PRH1: variants seen among roughly 807,000 people sequenced by gnomAD.
PRH1 encodes proline rich protein HaeIII subfamily 1, also known as salivary acidic proline-rich phosphoprotein 1/2.
In PRH1, 7 loss-of-function variants were observed where a neutral mutation model predicts 7.9. The observed-to-expected ratio is 0.89, with a 90% confidence interval of 0.50 to 1.67. PRH1 has a LOEUF of 1.67. Among genes scored for constraint, PRH1 ranks in the 40% most tolerant of loss-of-function variants. PRH1 has a pLI of 0.00. For missense variants in PRH1, 109 were observed against 223.6 expected (o/e 0.49, Z 3.27); for synonymous variants, 45 against 80.8 (o/e 0.56, Z 2.38).
At chr12:11,063,196 C>T (rs910674704) in intron 1 of PRH1, among the ~76,000 whole-genome samples, 1 of 152,060 alleles carries the variant, frequency 6.6e-6, no homozygotes, top group African/African-American at 2.4e-5. Context: ...TATAAGAATT[C>T]CTGAGTACCC....
At chr12:10,931,486 T>C (rs1253509845) in intron 2 of PRH1, among the ~76,000 whole-genome samples, 1 of 152,236 alleles carries the variant, frequency 6.6e-6, no homozygotes, top group African/African-American at 2.4e-5. Flanking sequence ...AAATGGTCCT[T>C]GGACTTTTAG....
At chr12:11,159,854 AAT>A (rs1367018595) in intron 1 of PRH1, among the ~76,000 whole-genome samples, 3 of 152,226 alleles carry the variant, frequency 2.0e-5, no homozygotes, top group Non-Finnish European at 4.4e-5. Flanking sequence ...TCATGAAAAA[AAT>A]AGTTTGTTCT....
rs1565634169 is a variant in PRH1, at chr12:11,083,151, A to C, written n.124-35963T>G. Among the ~76,000 whole-genome samples, 2 of 117,632 alleles carry C rather than the reference A, an allele frequency of 1.7e-5. 1 individual carries two copies. Among genetic ancestry groups the C allele is most frequent in the Non-Finnish European group, 4.0e-5 (2 of 49,522 alleles). 77.2% of individuals were successfully genotyped at this position (117,632 alleles called of 152,430 possible). A position where few individuals can be genotyped will look rare whatever the true frequency, so the allele number is the denominator to read the frequency against. Reference sequence around the variant, plus strand: ...GATAAATTTAGAAAAATTGTCATGTATATTTAATGTCTGTATAACTATAAT... The same window carrying C: ...GATAAATTTAGAAAAATTGTCATGTCTATTTAATGTCTGTATAACTATAAT... On this transcript the variant is annotated intron_variant and non_coding_transcript_variant, in intron 1 of 4. Transcript: ENST00000541977.
chr12:10,925,345 T>A (rs1162389553), intron 2 of PRH1, among the ~76,000 whole-genome samples: 1 of 152,228 alleles, frequency 6.6e-6, no homozygotes, highest in Non-Finnish European at 1.5e-5. Context: ...GCAAGTGGTA[T>A]ACAAATTTAT....
At chr12:10,999,804 G>T (rs1477265639) in intron 1 of PRH1, among the ~76,000 whole-genome samples, 1 of 152,070 alleles carries the variant, frequency 6.6e-6, no homozygotes, top group African/African-American at 2.4e-5. Flanking sequence ...TTTGAACTGT[G>T]TATAGGTGCA....
intron 1 of PRH1, among the ~76,000 whole-genome samples, chr12:11,150,310 C>G (rs1947030381): frequency 6.6e-6 from 1 of 151,916 alleles, no homozygotes; most frequent in Non-Finnish European, 1.5e-5. Context: ...CCCAGCCATC[C>G]CATTACTGGG....
chr12:10,911,981 C>G (rs905651202), intron 2 of PRH1, among the ~76,000 whole-genome samples: 6 of 152,288 alleles, frequency 3.9e-5, no homozygotes, highest in Admixed American at 3.3e-4. Context: ...ATATGTATCC[C>G]TAAGCACTAG....
chr12:11,059,891 T>G (rs1191306135), intron 1 of PRH1, among the ~76,000 whole-genome samples: 2 of 152,180 alleles, frequency 1.3e-5, no homozygotes, highest in Admixed American at 6.5e-5. Context: ...AATATCATTT[T>G]TGACCATCTA....
chr12:10,954,057 A>G (rs1164155459), intron 2 of PRH1, among the ~76,000 whole-genome samples: 5 of 152,196 alleles, frequency 3.3e-5, no homozygotes, highest in Non-Finnish European at 7.3e-5. Context: ...CAGACAAACA[A>G]ATGCTAAGGG....
At position 11,025,358 on chromosome 12, in the gene PRH1, T is replaced by C. The variant is rs796506830; in HGVS notation, c.-126+21662A>G. On this transcript the variant is annotated intron_variant, in intron 1 of 3. Coordinates refer to the PRH1 transcript ENST00000539853. ...AGGTCTACTACTCTTTGGAAACACA[T>C]TGAAGACATGATTCCCATTAATCCA... Among the ~76,000 whole-genome samples the C allele has an allele frequency of 1.2e-4, 7 of 56,432 alleles. No individual in the cohort carries two copies. The South Asian group carries it at 1.6e-3, about 13-fold the overall frequency. The allele number at this position is 56,432 out of a possible 152,430, so 37.0% of individuals were successfully genotyped here.
At chr12:10,884,130 A>C (rs772733911) in intron 1 of PRH1, 24 bp downstream of exon 1, 1 of 1,614,062 alleles carries the variant, frequency 6.2e-7, no homozygotes, top group Admixed American at 1.7e-5. Context: ...CAGAGTCACA[A>C]TATCTTCCCC....
At chr12:10,967,487 G>T (rs948022594) in intron 2 of PRH1, among the ~76,000 whole-genome samples, 1 of 152,176 alleles carries the variant, frequency 6.6e-6, no homozygotes, top group Non-Finnish European at 1.5e-5. Flanking sequence ...TGCTTTTCAA[G>T]CCCCTAAATG....
intron 1 of PRH1, among the ~76,000 whole-genome samples, chr12:11,128,844 T>C (rs1455998658): frequency 1.3e-5 from 2 of 152,256 alleles, no homozygotes; most frequent in East Asian, 1.9e-4. Context: ...TTTACCTGTT[T>C]GCTATAAGCA....
At chr12:10,904,254 A>G (rs1048072430) in intron 2 of PRH1, among the ~76,000 whole-genome samples, 2 of 152,118 alleles carry the variant, frequency 1.3e-5, no homozygotes, top group Middle Eastern at 3.2e-3. Context: ...AGCCAGAGGA[A>G]TCACATTACC....
upstream of PRH1, chr12:11,171,543 C>A (rs1316716681): frequency 9.7e-6 from 12 of 1,232,084 alleles, no homozygotes; most frequent in Non-Finnish European, 1.0e-6. Context: ...CCTCAACATC[C>A]GATTGCAGGT....
intron 1 of PRH1, chr12:11,031,331 G>T (rs762936913): frequency 6.3e-7 from 1 of 1,587,068 alleles, no homozygotes; most frequent in Non-Finnish European, 8.6e-7. Flanking sequence ...TATAAAAGTT[G>T]TCATGTCTGA....
Position 11,097,690 on chromosome 12 carries a change from T to A in PRH1, n.124-50502A>T, listed in dbSNP as rs1164540066. 5.2e-5 allele frequency among the ~76,000 whole-genome samples: 6 copies of A among 114,586 alleles called. 2 individuals carry two copies. Among genetic ancestry groups the A allele is most frequent in the Non-Finnish European group, 1.2e-4 (6 of 48,334 alleles). 75.2% of individuals were successfully genotyped at this position (114,586 alleles called of 152,430 possible). A position where few individuals can be genotyped will look rare whatever the true frequency, so the allele number is the denominator to read the frequency against. ...AATTACTTATTTTCCAAATTATGTA[T>A]TTAAATATTTCAAAAACAAATCATT... On this transcript the variant is annotated intron_variant and non_coding_transcript_variant, in intron 1 of 4. Coordinates refer to the PRH1 transcript ENST00000541977.
chr12:11,045,851 G>A (rs1378825711), intron 1 of PRH1, among the ~76,000 whole-genome samples: 2 of 151,686 alleles, frequency 1.3e-5, no homozygotes, highest in East Asian at 1.9e-4. Context: ...TTCTAGTTAA[G>A]TTGGAATACT....
chr12:10,926,450 T>C (rs74062405), intron 2 of PRH1, among the ~76,000 whole-genome samples: 5,868 of 152,196 alleles, frequency 0.039, 378 homozygotes, highest in African/African-American at 0.13. Flanking sequence ...GTCATGTGGG[T>C]GTGAAAGAGC....
Sources: allele counts gnomAD v4.1 joint callset (sites outside exome capture counted in the v4.1 genomes callset), GRCh38; gene constraint gnomAD v4.1.1; transcripts MANE v1.5; gene names NCBI Gene and HGNC (gene_info 2026-07-23, HGNC 2026-07-21).